Variants in GPC6 observed in about 807,000 individuals in gnomAD.
GPC6 encodes glypican 6, also known as glypican-6.
Under a neutral mutation model 55.2 loss-of-function variants are expected in GPC6, and 14 were observed. That is an observed-to-expected ratio of 0.25 (90% CI 0.17 to 0.40). GPC6 has a LOEUF of 0.40. Ranked by LOEUF, GPC6 falls within the 10% of genes least tolerant of loss-of-function variation. The probability of loss-of-function intolerance (pLI) is 1.00; values close to 1 mark genes in which losing one functional copy is unlikely to be tolerated. For synonymous variants in GPC6, 278 were observed against 259.6 expected, an observed-to-expected ratio of 1.07 and a Z score of -0.68; for missense variants, 641 against 708.5, an observed-to-expected ratio of 0.90 and a Z score of 1.08.
At chr13:93,342,474 C>G (rs1278272771) in intron 1 of GPC6, among the ~76,000 whole-genome samples, 1 of 152,102 alleles carries the variant, frequency 6.6e-6, no homozygotes, top group Admixed American at 6.5e-5. Flanking sequence ...AAGACTTACT[C>G]ACTATCATGA....
intron 1 of GPC6, among the ~76,000 whole-genome samples, chr13:93,269,292 A>C (rs1266158742): frequency 6.6e-6 from 1 of 152,168 alleles, no homozygotes; most frequent in Non-Finnish European, 1.5e-5. Flanking sequence ...AACACAATCA[A>C]ACTAAATTTT....
At chr13:94,266,140 A>ACTTTT (rs1310490216) in intron 4 of GPC6, among the ~76,000 whole-genome samples, 2 of 120,918 alleles carry the variant, frequency 1.7e-5, no homozygotes, top group African/African-American at 6.3e-5. Context: ...TCTTTTCTTT[A>ACTTTT]CTTTTCTTTT....
In GPC6 at chr13:93,758,172, G is replaced by A. The variant is rs560923353; in HGVS notation, c.320-71982G>A. 2.6e-5 allele frequency among the ~76,000 whole-genome samples: 4 copies of A among 152,290 alleles called. No homozygotes were observed. The South Asian group carries it at 6.2e-4, about 24-fold the overall frequency. On this transcript the variant is annotated intron_variant, in intron 2 of 8. Coordinates refer to ENST00000377047, the MANE Select transcript of GPC6 (RefSeq NM_005708.5). ...ACATTGCATTGTTTTAGTTCAGTAG[G>A]CAGAGCTTCACATCAGCTAACTTTG...
chr13:94,389,924 A>AAATT (rs1245872901), intron 7 of GPC6, among the ~76,000 whole-genome samples: 1 of 152,206 alleles, frequency 6.6e-6, no homozygotes, highest in Non-Finnish European at 1.5e-5. Context: ...CTGAGGGACA[A>AAATT]AATTAATCGG....
chr13:94,070,836 G>T (rs1463454359), intron 4 of GPC6, among the ~76,000 whole-genome samples: 3 of 152,164 alleles, frequency 2.0e-5, no homozygotes, highest in Non-Finnish European at 4.4e-5. Context: ...AAAGCAGATG[G>T]CCTCTAGTGC....
intron 2 of GPC6, among the ~76,000 whole-genome samples, chr13:93,633,733 A>T (rs1344351137): frequency 6.6e-6 from 1 of 152,110 alleles, no homozygotes; most frequent in Non-Finnish European, 1.5e-5. Flanking sequence ...GAATAGAAGG[A>T]AAGGGCAGAG....
chr13:93,413,188 T>A (rs1876576697), intron 1 of GPC6, among the ~76,000 whole-genome samples: 1 of 152,176 alleles, frequency 6.6e-6, no homozygotes, highest in African/African-American at 2.4e-5. Flanking sequence ...CAGACAGCAG[T>A]ATGAGAGAAA....
At chr13:94,120,647 A>G (rs1157610999) in intron 4 of GPC6, among the ~76,000 whole-genome samples, 1 of 152,018 alleles carries the variant, frequency 6.6e-6, no homozygotes. Context: ...TGATCGTAGT[A>G]TTGTTTGTGC....
chr13:93,789,331 C>G (rs1885917157), intron 2 of GPC6, among the ~76,000 whole-genome samples: 1 of 151,462 alleles, frequency 6.6e-6, no homozygotes, highest in South Asian at 2.1e-4. Context: ...ATGTATATAC[C>G]TGATCCTACA....
intron 4 of GPC6, among the ~76,000 whole-genome samples, chr13:94,103,281 A>G (rs1885933279): frequency 1.3e-5 from 2 of 152,080 alleles, no homozygotes; most frequent in Admixed American, 1.3e-4. Flanking sequence ...TAATCCAGTC[A>G]ATCATTGATG....
chr13:93,278,569 TG>T (rs1877842613), intron 1 of GPC6, among the ~76,000 whole-genome samples: 2 of 152,242 alleles, frequency 1.3e-5, no homozygotes, highest in Non-Finnish European at 2.9e-5. Context: ...CATTGTCATG[TG>T]GATCATTTAA....
At chr13:93,891,868 A>C (rs1223931267) in intron 3 of GPC6, among the ~76,000 whole-genome samples, 2 of 151,890 alleles carry the variant, frequency 1.3e-5, no homozygotes, top group East Asian at 3.9e-4. Context: ...GTATGTGTAT[A>C]TATAGTGTGT....
chr13:93,248,863 C>T (rs896376425), intron 1 of GPC6, among the ~76,000 whole-genome samples: 2 of 152,190 alleles, frequency 1.3e-5, no homozygotes, highest in Non-Finnish European at 2.9e-5. Flanking sequence ...GGAGCTGATA[C>T]GCCTAACACA....
intron 4 of GPC6, among the ~76,000 whole-genome samples, chr13:94,132,209 T>G (rs191062930): frequency 2.4e-4 from 36 of 152,254 alleles, no homozygotes; most frequent in Non-Finnish European, 3.8e-4. Context: ...ACTAATAACT[T>G]CTTGAGGGTG....
intron 1 of GPC6, among the ~76,000 whole-genome samples, chr13:93,320,090 A>C (rs1298022282): frequency 6.6e-6 from 1 of 152,122 alleles, no homozygotes; most frequent in Non-Finnish European, 1.5e-5. Flanking sequence ...GTCTAAGCAA[A>C]GGGGAAAAGG....
At chr13:93,638,602 A>T (rs2139582088) in intron 2 of GPC6, among the ~76,000 whole-genome samples, 1 of 152,252 alleles carries the variant, frequency 6.6e-6, no homozygotes, top group East Asian at 1.9e-4. Flanking sequence ...AATAACTCTA[A>T]TGAGATCCTT....
chr13:94,281,586 A>C (rs928757591), intron 4 of GPC6, among the ~76,000 whole-genome samples: 8 of 152,194 alleles, frequency 5.3e-5, no homozygotes, highest in African/African-American at 1.7e-4. Flanking sequence ...ATATTGAGTC[A>C]CACTTAATAA....
chr13:94,223,655 A>G (rs1343810804), intron 4 of GPC6, among the ~76,000 whole-genome samples: 3 of 152,100 alleles, frequency 2.0e-5, no homozygotes, highest in Non-Finnish European at 2.9e-5. Context: ...TTATCATATA[A>G]ATCCTCCACG....
At chr13:93,510,971 G>GTGTATATATATA (rs1555306603) in intron 1 of GPC6, among the ~76,000 whole-genome samples, 919 of 69,350 alleles carry the variant, frequency 0.013, 166 homozygotes, top group East Asian at 0.025. Context: ...ATATATATAT[G>GTGTATATATATA]TGTATATATA....
Sources: allele counts gnomAD v4.1 joint callset (sites outside exome capture counted in the v4.1 genomes callset), GRCh38; gene constraint gnomAD v4.1.1; transcripts MANE v1.5; gene names NCBI Gene and HGNC (gene_info 2026-07-23, HGNC 2026-07-21).